NBAS: variants seen among roughly 807,000 people sequenced by gnomAD.
NBAS encodes the protein NAG/BC035112 fusion.
In NBAS, 219 loss-of-function variants were observed where a neutral mutation model predicts 302.5. The ratio of observed to expected loss-of-function variants is 0.72; its 90% CI spans 0.65 to 0.81. NBAS has a LOEUF of 0.81. Ranked by LOEUF, NBAS falls within the 30% of genes least tolerant of loss-of-function variation. The pLI is 0.00. For missense variants in NBAS, 2,932 were observed against 2,841.6 expected, an observed-to-expected ratio of 1.03 and a Z score of -0.72; for synonymous variants, 1,118 against 1,021.6, an observed-to-expected ratio of 1.09 and a Z score of -1.80.
chr2:15,063,214 A>G, the NBAS span, among the ~76,000 whole-genome samples: 2 of 152,236 alleles, frequency 1.3e-5, no homozygotes, highest in African/African-American at 4.8e-5. Context: ...GTGCTTATAC[A>G]ATTATGTGCA....
the NBAS span, among the ~76,000 whole-genome samples, chr2:14,831,902 A>G: frequency 2.4e-4 from 37 of 152,344 alleles, no homozygotes; most frequent in African/African-American, 8.7e-4. Flanking sequence ...TAGACATGAA[A>G]TAGTCACATG....
chr2:15,419,244 T>C (rs1243721775), intron 23 of NBAS, among the ~76,000 whole-genome samples: 2 of 152,144 alleles, frequency 1.3e-5, no homozygotes, highest in African/African-American at 4.8e-5. Context: ...TTTGTGAAAT[T>C]TGGTCAGAGC....
the NBAS span, among the ~76,000 whole-genome samples, chr2:15,043,953 T>G: frequency 4.6e-5 from 7 of 152,134 alleles, no homozygotes; most frequent in East Asian, 1.4e-3. Flanking sequence ...CTTAGTAACC[T>G]TTCTATTCCC....
the NBAS span, among the ~76,000 whole-genome samples, chr2:15,133,392 T>A: frequency 6.6e-6 from 1 of 152,148 alleles, no homozygotes; most frequent in Admixed American, 6.5e-5. Flanking sequence ...GTCTTAGAGA[T>A]GAAATATATC....
At chr2:15,417,287 G>GA (rs1050557471) in intron 24 of NBAS, among the ~76,000 whole-genome samples, 4 of 150,800 alleles carry the variant, frequency 2.7e-5, no homozygotes, top group Admixed American at 6.6e-5. Flanking sequence ...AACTAGAACG[G>GA]AAAAAAAAAG....
chr2:15,486,994 C>A (rs1680655538), intron 12 of NBAS, among the ~76,000 whole-genome samples: 1 of 151,514 alleles, frequency 6.6e-6, no homozygotes, highest in Admixed American at 6.6e-5. Flanking sequence ...ATAGCCTTTA[C>A]ACTGGATGTA....
At chr2:15,358,548 A>G (rs755974632) in intron 32 of NBAS, among the ~76,000 whole-genome samples, 2 of 152,186 alleles carry the variant, frequency 1.3e-5, no homozygotes, top group Non-Finnish European at 2.9e-5. Flanking sequence ...AGGTTCAAGC[A>G]ATCCTCCCAC....
downstream of NBAS, among the ~76,000 whole-genome samples, chr2:15,165,978 C>CG (rs1558401531): frequency 1.3e-5 from 2 of 151,916 alleles, no homozygotes; most frequent in Non-Finnish European, 2.9e-5. Context: ...AACGGCCCCC[C>CG]GGTCACTCTG....
intron 25 of NBAS, among the ~76,000 whole-genome samples, chr2:15,404,763 T>A (rs1271068975): frequency 2.0e-5 from 3 of 152,082 alleles, no homozygotes; most frequent in African/African-American, 4.8e-5. Flanking sequence ...TTCACCCACC[T>A]CAGGCTCCCA....
the NBAS span, among the ~76,000 whole-genome samples, chr2:15,067,523 C>T: frequency 7.3e-5 from 11 of 150,610 alleles, 1 homozygote; most frequent in Admixed American, 2.0e-4. Context: ...AATCCTACCA[C>T]GTGCCACAAC....
downstream of NBAS, among the ~76,000 whole-genome samples, chr2:15,166,098 T>C (rs1664014463): frequency 6.6e-6 from 1 of 152,170 alleles, no homozygotes; most frequent in African/African-American, 2.4e-5. Flanking sequence ...AGCACATACC[T>C]CTGTGGTGGG....
the NBAS span, among the ~76,000 whole-genome samples, chr2:14,964,382 T>G: frequency 6.6e-6 from 1 of 152,136 alleles, no homozygotes; most frequent in Admixed American, 6.5e-5. Flanking sequence ...ATACACTGGA[T>G]GGGATGAATG....
chr2:15,338,419 C>A (rs1401468207), intron 35 of NBAS, among the ~76,000 whole-genome samples: 1 of 152,106 alleles, frequency 6.6e-6, no homozygotes, highest in Non-Finnish European at 1.5e-5. Context: ...ACTAAGCATG[C>A]AATCCTTATT....
the NBAS span, among the ~76,000 whole-genome samples, chr2:15,125,338 G>A: frequency 6.6e-6 from 1 of 152,288 alleles, no homozygotes. Context: ...GATGAAGCAG[G>A]AGCAGGCACA....
the NBAS span, among the ~76,000 whole-genome samples, chr2:14,861,931 G>A: frequency 6.6e-6 from 1 of 152,162 alleles, no homozygotes; most frequent in Middle Eastern, 3.2e-3. Context: ...AGACCTAGAA[G>A]ACCATTTCTA....
At chr2:15,091,698 A>C in the NBAS span, among the ~76,000 whole-genome samples, 2 of 151,918 alleles carry the variant, frequency 1.3e-5, no homozygotes, top group Non-Finnish European at 2.9e-5. Context: ...ATACCTGGCT[A>C]ATTTTTGTAT....
chr2:15,331,993 A>AGAGGCAGGAGAGATTT (rs1672376743), intron 35 of NBAS, among the ~76,000 whole-genome samples: 1 of 152,212 alleles, frequency 6.6e-6, no homozygotes, highest in Non-Finnish European at 1.5e-5. Flanking sequence ...CCATGAAGGA[A>AGAGGCAGGAGAGATTT]GAGGCAGGAG....
the NBAS span, among the ~76,000 whole-genome samples, chr2:14,883,330 T>C: frequency 6.6e-6 from 1 of 152,218 alleles, no homozygotes; most frequent in Non-Finnish European, 1.5e-5. Context: ...TTAGTACTAA[T>C]GTTGTAGTTT....
the NBAS span, among the ~76,000 whole-genome samples, chr2:14,823,531 C>T: frequency 6.6e-6 from 1 of 152,136 alleles, no homozygotes; most frequent in Admixed American, 6.5e-5. Context: ...TTGGAAAAGC[C>T]AGAGCTAAAC....
Sources: allele counts gnomAD v4.1 joint callset (sites outside exome capture counted in the v4.1 genomes callset), GRCh38; gene constraint gnomAD v4.1.1; transcripts MANE v1.5; gene names NCBI Gene and HGNC (gene_info 2026-07-23, HGNC 2026-07-21).